SAMD3: variants seen among roughly 807,000 people sequenced by gnomAD.
SAMD3 encodes sterile alpha motif domain-containing protein 3.
A neutral mutation model predicts 58.5 loss-of-function variants in SAMD3; 63 were observed. The ratio of observed to expected loss-of-function variants is 1.08; its 90% CI spans 0.88 to 1.33. The LOEUF (loss-of-function observed/expected upper bound fraction) is 1.33. Ranked by LOEUF, SAMD3 falls within the 40% of genes most tolerant of loss-of-function variation. The pLI is 0.00. For synonymous variants in SAMD3, 220 were observed against 210.3 expected, an observed-to-expected ratio of 1.05 and a Z score of -0.40; for missense variants, 604 against 608.4, an observed-to-expected ratio of 0.99 and a Z score of 0.08.
chr6:130,365,068 C>CA, intron 1 of SAMD3: 1 of 615,386 alleles, frequency 1.6e-6, no homozygotes, highest in South Asian at 7.2e-5. Context: ...CTGGCCTGCA[C>CA]AGGGGGTGGT....
At chr6:130,289,170 T>C (rs1775277915) in intron 2 of SAMD3, among the ~76,000 whole-genome samples, 1 of 152,228 alleles carries the variant, frequency 6.6e-6, no homozygotes, top group South Asian at 2.1e-4. Context: ...CTTTAAATGC[T>C]AGAAGTACTT....
chr6:130,352,967 T>C (rs1777723517), intron 1 of SAMD3, among the ~76,000 whole-genome samples: 1 of 152,220 alleles, frequency 6.6e-6, no homozygotes, highest in Admixed American at 6.5e-5. Context: ...TTCTTCATGT[T>C]TCTATCGGCA....
chr6:130,204,873 G>A (rs1462490299), intron 5 of SAMD3, among the ~76,000 whole-genome samples: 1 of 151,540 alleles, frequency 6.6e-6, no homozygotes, highest in East Asian at 1.9e-4. Flanking sequence ...CACCTTGTGA[G>A]GTGTGGTAAC....
intron 2 of SAMD3, among the ~76,000 whole-genome samples, chr6:130,262,317 A>C (rs551108811): frequency 6.6e-6 from 1 of 152,202 alleles, no homozygotes; most frequent in East Asian, 1.9e-4. Flanking sequence ...AAGAAAAAAA[A>C]AAACTTTTAG....
In SAMD3 at chr6:130,339,078, C is replaced by T. The variant is rs948917418; in HGVS notation, c.-303-25985G>A. On this transcript the variant is annotated intron_variant, in intron 1 of 13. Coordinates refer to the SAMD3 transcript ENST00000368134. ...TTTTGTTTTTTTGAGATGGAGTCTC[C>T]CTTTGTTGCCCAGGCTGGAGTGTAG... Among the ~76,000 whole-genome samples, 6 of 152,078 alleles carry T rather than the reference C, an allele frequency of 3.9e-5. No individual in the cohort carries two copies. The South Asian group carries it at 1.2e-3, about 32-fold the overall frequency.
chr6:130,230,774 T>C (rs971114110), intron 2 of SAMD3, among the ~76,000 whole-genome samples: 2 of 152,244 alleles, frequency 1.3e-5, no homozygotes, highest in African/African-American at 2.4e-5. Flanking sequence ...GTTGAATAAA[T>C]TGAATGAGCA....
At chr6:130,155,724 GAT>G (rs1332046244) in intron 8 of SAMD3, among the ~76,000 whole-genome samples, 2 of 152,114 alleles carry the variant, frequency 1.3e-5, no homozygotes, top group African/African-American at 4.8e-5. Context: ...GTGAACAGAT[GAT>G]ACCTATAAAA....
In SAMD3 at chr6:130,154,982, T is replaced by G. The variant is rs756112121; in HGVS notation, c.866A>C (p.Lys289Thr). 9.3e-6 allele frequency: 15 copies of G among 1,613,444 alleles called. 1 individual carries two copies. The South Asian group carries it at 1.6e-4, about 18-fold the overall frequency. Residue 289 changes from lysine (K) to threonine (T), a missense_variant, in exon 9 of 12, where the codon AAG becomes ACG. Lys to Thr is a moderately conservative substitution (Grantham distance 78). Coordinates refer to ENST00000439090, the MANE Select transcript of SAMD3 (RefSeq NM_001017373.4). ...CFDSELDEHI[K>T]WFQQEYVKTE... ...TTTCACGTATTCTTGCTGGAACCAC[T>G]TAATATGTTCATCTAGCTCAGAATC...
chr6:130,308,187 C>G (rs1318747738), intron 2 of SAMD3, among the ~76,000 whole-genome samples: 1 of 152,066 alleles, frequency 6.6e-6, no homozygotes, highest in Non-Finnish European at 1.5e-5. Flanking sequence ...TTGACTAAAT[C>G]AGAAACTGGT....
intron 2 of SAMD3, among the ~76,000 whole-genome samples, chr6:130,295,633 C>A (rs879319771): frequency 1.3e-5 from 2 of 152,182 alleles, no homozygotes; most frequent in African/African-American, 4.8e-5. Flanking sequence ...CCACTGACAA[C>A]TTCCAGCAAG....
At chr6:130,348,174 G>A (rs1025025133) in intron 1 of SAMD3, among the ~76,000 whole-genome samples, 5 of 152,058 alleles carry the variant, frequency 3.3e-5, no homozygotes, top group East Asian at 1.9e-4. Context: ...AGCAACCAAT[G>A]AGCAAAATAA....
At chr6:130,272,230 AT>A (rs919302111) in intron 2 of SAMD3, among the ~76,000 whole-genome samples, 1 of 152,182 alleles carries the variant, frequency 6.6e-6, no homozygotes, top group Non-Finnish European at 1.5e-5. Flanking sequence ...ATCTCCATTT[AT>A]TTAATAATCC....
In SAMD3 at chr6:130,159,792, G is replaced by A. The variant is rs530519199; in HGVS notation, c.823-4767C>T. 3.9e-5 allele frequency: 6 copies of A among 151,900 alleles called. No individual in the cohort carries two copies. In the South Asian group the frequency reaches 1.0e-3, roughly 26 times the overall value. The allele number at this position is 151,900 out of a possible 1,614,324, so 9.4% of individuals were successfully genotyped here. On this transcript the variant is annotated intron_variant, in intron 8 of 11. Coordinates refer to ENST00000439090, the MANE Select transcript of SAMD3 (RefSeq NM_001017373.4). ...CAGAATATACAAAGGATTTTTACAAGTAAATTGAAAAAAAGGCAGCCTCAT... is the reference window on the plus strand; with the variant it reads ...CAGAATATACAAAGGATTTTTACAAATAAATTGAAAAAAAGGCAGCCTCAT...
At chr6:130,263,135 A>G (rs1050568166) in intron 2 of SAMD3, among the ~76,000 whole-genome samples, 20 of 152,218 alleles carry the variant, frequency 1.3e-4, no homozygotes, top group African/African-American at 4.8e-4. Flanking sequence ...TGTTAAATGT[A>G]AAATGGTATT....
rs1325709279 is a variant in SAMD3 at position 130,152,696 on chromosome 6, AAAT to A, written c.1023+2126_1023+2128del. ...TGTCTCAATAAATAAATAAATAAAT[AAAT>A]AAAACAATCAACAGGCAACTCTATT... On this transcript the variant is annotated intron_variant, in intron 9 of 11. Coordinates refer to ENST00000439090, the MANE Select transcript of SAMD3 (RefSeq NM_001017373.4). Among the ~76,000 whole-genome samples, 24 of 149,446 alleles carry A rather than the reference AAAT, an allele frequency of 1.6e-4. No homozygotes were observed. In the South Asian group the frequency reaches 2.5e-3, roughly 16 times the overall value.
intron 2 of SAMD3, among the ~76,000 whole-genome samples, chr6:130,266,777 G>A (rs764366795): frequency 2.6e-5 from 4 of 152,122 alleles, no homozygotes; most frequent in Admixed American, 2.0e-4. Flanking sequence ...AAAAACAGGC[G>A]AACTCCTAGG....
At chr6:130,214,218 A>G (rs1425111361) in intron 4 of SAMD3, 119 bp downstream of exon 4, 4 of 766,588 alleles carry the variant, frequency 5.2e-6, no homozygotes, top group Admixed American at 5.8e-5. Flanking sequence ...AATACCGTAC[A>G]TACAATCTAG....
At chr6:130,336,093 A>T (rs62432197) in intron 1 of SAMD3, among the ~76,000 whole-genome samples, 19,967 of 152,180 alleles carry the variant, frequency 0.13, 1,685 homozygotes, top group East Asian at 0.36. Context: ...GCAGCACACC[A>T]GCATGGCACA....
At chr6:130,163,087 C>T (rs1293230738) in intron 8 of SAMD3, among the ~76,000 whole-genome samples, 1 of 151,862 alleles carries the variant, frequency 6.6e-6, no homozygotes, top group Non-Finnish European at 1.5e-5. Context: ...TTTTCTTTTT[C>T]CCCCAGAGAT....
Sources: gnomAD v4.1 joint callset for allele counts (sites outside exome capture counted in the v4.1 genomes callset) on GRCh38, gnomAD v4.1.1 for gene constraint, MANE v1.5 for transcripts, NCBI Gene and HGNC (gene_info 2026-07-23, HGNC 2026-07-21) for gene names.